The following TENM1 variants were observed in gnomAD, a reference collection of about 807,000 sequenced individuals.
TENM1 encodes the protein teneurin-1.
In TENM1, 35 loss-of-function variants were observed where a neutral mutation model predicts 174.8. The ratio of observed to expected loss-of-function variants is 0.20; its 90% CI spans 0.15 to 0.27. The LOEUF (loss-of-function observed/expected upper bound fraction) is 0.27, where lower values mean the gene tolerates loss of function less well. TENM1 is among the 10% of genes least tolerant of loss of function. The probability of loss-of-function intolerance (pLI) is 1.00; values close to 1 mark genes in which losing one functional copy is unlikely to be tolerated. For synonymous variants in TENM1, 781 were observed against 798.7 expected (o/e 0.98, Z 0.37); for missense variants, 1,633 against 2,130.1 (o/e 0.77, Z 4.59).
intron 1 of TENM1, among the ~76,000 whole-genome samples, chrX:124,904,937 G>A (rs907073723): frequency 6.3e-5 from 7 of 111,647 alleles, no homozygotes; most frequent in Admixed American, 4.8e-4. Context: ...CAGTAAGTTT[G>A]TAGAATGCCC....
intron 5 of TENM1, among the ~76,000 whole-genome samples, chrX:124,703,856 A>C (rs1429047141): frequency 8.9e-6 from 1 of 112,154 alleles, no homozygotes; most frequent in Non-Finnish European, 1.9e-5. Context: ...GTTAAATAGA[A>C]GCATTGTTCA....
chrX:125,115,439 A>G, the TENM1 span, among the ~76,000 whole-genome samples: 2 of 111,434 alleles, frequency 1.8e-5, no homozygotes, highest in Non-Finnish European at 3.8e-5. Context: ...CGAAGAGAGG[A>G]AGTCAAATTG....
chrX:125,009,115 G>GA, the TENM1 span, among the ~76,000 whole-genome samples: 40 of 86,400 alleles, frequency 4.6e-4, no homozygotes, highest in South Asian at 2.3e-3. Context: ...TTTTTTTCCG[G>GA]AAAAAAAAAA....
intron 22 of TENM1, among the ~76,000 whole-genome samples, chrX:124,462,431 T>TGGGGGGG (rs1217120404): frequency 1.1e-4 from 1 of 9,061 alleles, no homozygotes; most frequent in African/African-American, 2.4e-4. Flanking sequence ...TGTGTGTGTG[T>TGGGGGGG]GGGGGGGGTG....
intron 11 of TENM1, among the ~76,000 whole-genome samples, chrX:124,592,444 T>C (rs1233674593): frequency 9.6e-6 from 1 of 104,216 alleles, no homozygotes; most frequent in Non-Finnish European, 2.0e-5. Flanking sequence ...GTTTTTTTTT[T>C]TTTTTTTTTG....
the TENM1 span, among the ~76,000 whole-genome samples, chrX:125,086,241 T>A: frequency 9.0e-6 from 1 of 111,344 alleles, no homozygotes; most frequent in Non-Finnish European, 1.9e-5. Context: ...CATTTTATTA[T>A]CTTATTCATG....
chrX:124,781,995 G>C (rs2054923610), intron 3 of TENM1, among the ~76,000 whole-genome samples: 1 of 111,313 alleles, frequency 9.0e-6, no homozygotes, highest in Non-Finnish European at 1.9e-5. Flanking sequence ...GAAAATAGAA[G>C]TGTTGAGTAC....
intron 3 of TENM1, among the ~76,000 whole-genome samples, chrX:124,743,172 T>C (rs2053840627): frequency 9.0e-6 from 1 of 111,512 alleles, no homozygotes; most frequent in Admixed American, 9.6e-5. Flanking sequence ...TATCTGGCTG[T>C]TCTGTTCTCA....
intron 3 of TENM1, among the ~76,000 whole-genome samples, chrX:124,828,243 T>C (rs1351022454): frequency 8.9e-6 from 1 of 112,412 alleles, no homozygotes; most frequent in Non-Finnish European, 1.9e-5. Flanking sequence ...CCTTCTGCTC[T>C]GATATTAATA....
At chrX:124,806,400 G>A (rs2055597834) in intron 3 of TENM1, among the ~76,000 whole-genome samples, 1 of 112,049 alleles carries the variant, frequency 8.9e-6, no homozygotes, top group Admixed American at 9.4e-5. Flanking sequence ...AAAGCTTAGA[G>A]AAATGATAGC....
intron 1 of TENM1, among the ~76,000 whole-genome samples, chrX:124,912,409 A>G (rs967451866): frequency 9.0e-6 from 1 of 110,727 alleles, no homozygotes; most frequent in Admixed American, 9.7e-5. Context: ...ATACTTGGAA[A>G]CTCAATATCC....
chrX:125,153,773 A>G, the TENM1 span, among the ~76,000 whole-genome samples: 1 of 112,545 alleles, frequency 8.9e-6, no homozygotes, highest in African/African-American at 3.2e-5. Flanking sequence ...CTTGGAAAGG[A>G]TTTGAATGTA....
chrX:124,825,553 TAA>T (rs1484526023), intron 3 of TENM1, among the ~76,000 whole-genome samples: 1 of 111,483 alleles, frequency 9.0e-6, no homozygotes, highest in East Asian at 2.8e-4. Flanking sequence ...CTGCACATTT[TAA>T]GTTTTAATCC....
At chrX:124,381,614 G>T (rs990786981) in intron 31 of TENM1, among the ~76,000 whole-genome samples, 1 of 111,342 alleles carries the variant, frequency 9.0e-6, no homozygotes, top group Non-Finnish European at 1.9e-5. Flanking sequence ...TATTTTCACT[G>T]ATTTCACTCA....
At position 124,869,950 on chromosome X, in the gene TENM1, C is replaced by A. The variant is rs6648625; in HGVS notation, c.535+24346G>T. On this transcript the variant is annotated intron_variant, in intron 3 of 31. Transcript: ENST00000422452. ...GACTATAGTCAATAATAACTTAATT[C>A]TACATGTTAAAATAGCTTAAGAGTG... Among the ~76,000 whole-genome samples the A allele has an allele frequency of 1.5e-3, 161 of 111,000 alleles. 1 individual carries two copies. The highest frequency in any genetic ancestry group is 5.0e-3 in the African/African-American group (152 of 30,544).
At chrX:124,551,393 G>A (rs777327082) in intron 14 of TENM1, among the ~76,000 whole-genome samples, 1 of 111,244 alleles carries the variant, frequency 9.0e-6, no homozygotes, top group East Asian at 2.8e-4. Context: ...GTTGTTTAAT[G>A]GGTATAAAGT....
the TENM1 span, among the ~76,000 whole-genome samples, chrX:125,012,148 C>T: frequency 2.2e-3 from 246 of 111,373 alleles, 1 homozygote; most frequent in African/African-American, 7.7e-3. Context: ...AACACATGGA[C>T]ACAGCTAGAG....
At chrX:125,119,379 T>A in the TENM1 span, among the ~76,000 whole-genome samples, 2 of 111,219 alleles carry the variant, frequency 1.8e-5, no homozygotes, top group Non-Finnish European at 1.9e-5. Flanking sequence ...AATATTTGTT[T>A]TGAAATATTG....
intron 18 of TENM1, among the ~76,000 whole-genome samples, chrX:124,507,101 T>C (rs747391566): frequency 3.6e-5 from 4 of 110,127 alleles, no homozygotes; most frequent in South Asian, 7.8e-4. Flanking sequence ...CTAGGGAGAA[T>C]AGTGTAATAG....
Sources: allele counts gnomAD v4.1 joint callset (sites outside exome capture counted in the v4.1 genomes callset), GRCh38; gene constraint gnomAD v4.1.1; transcripts MANE v1.5; gene names NCBI Gene and HGNC (gene_info 2026-07-23, HGNC 2026-07-21).